ATAD2B: variants seen among roughly 807,000 people sequenced by gnomAD.
The protein encoded by ATAD2B is ATPase family AAA domain containing 2B.
In ATAD2B, 40 loss-of-function variants were observed where a neutral mutation model predicts 167.6. The ratio of observed to expected loss-of-function variants is 0.24; its 90% CI spans 0.19 to 0.31. ATAD2B has a LOEUF of 0.31. Ranked by LOEUF, ATAD2B falls within the 10% of genes least tolerant of loss-of-function variation. The pLI is 1.00. For missense variants in ATAD2B, 1,242 were observed against 1,757.2 expected, an observed-to-expected ratio of 0.71 and a Z score of 5.24; for synonymous variants, 579 against 596.5, an observed-to-expected ratio of 0.97 and a Z score of 0.43.
At chr2:23,713,537 A>G in the ATAD2B span, among the ~76,000 whole-genome samples, 1 of 152,128 alleles carries the variant, frequency 6.6e-6, no homozygotes, top group East Asian at 1.9e-4. Flanking sequence ...TCATCACCCC[A>G]GAAACAAACC....
the ATAD2B span, among the ~76,000 whole-genome samples, chr2:23,709,559 T>G: frequency 0.84 from 127,111 of 151,828 alleles, 55,291 homozygotes; most frequent in East Asian, 1. Flanking sequence ...GCAGAAAGCA[T>G]ATTGGCCAGC....
the ATAD2B span, chr2:23,703,310 G>A: frequency 6.5e-7 from 1 of 1,547,708 alleles, no homozygotes; most frequent in Non-Finnish European, 8.7e-7. Context: ...GGCAGGCCGA[G>A]CTGCCGGCGT....
intron 18 of ATAD2B, among the ~76,000 whole-genome samples, chr2:23,806,504 CG>C (rs1684412965): frequency 6.6e-6 from 1 of 152,132 alleles, no homozygotes; most frequent in Non-Finnish European, 1.5e-5. Flanking sequence ...TTTGGTAGGG[CG>C]CCCTAATGAC....
chr2:23,863,663 T>C (rs186059104), intron 11 of ATAD2B, 108 bp from the exon 12 acceptor site: 1 of 1,017,356 alleles, frequency 9.8e-7, no homozygotes, highest in Non-Finnish European at 1.4e-6. Flanking sequence ...TGAAGTATAA[T>C]TATTAGACAT....
chr2:23,789,398 A>G (rs1339994956), intron 19 of ATAD2B, among the ~76,000 whole-genome samples: 1 of 152,120 alleles, frequency 6.6e-6, no homozygotes, highest in Non-Finnish European at 1.5e-5. Flanking sequence ...TCTACCTTCT[A>G]GACACCAAAC....
chr2:23,814,879 C>G (rs889442067), intron 17 of ATAD2B, among the ~76,000 whole-genome samples: 3 of 151,576 alleles, frequency 2.0e-5, no homozygotes, highest in Non-Finnish European at 4.4e-5. Flanking sequence ...ATGGTGAAAC[C>G]CTGACTCTAC....
chr2:23,901,399 G>A (rs1179697070), intron 1 of ATAD2B, among the ~76,000 whole-genome samples: 1 of 149,210 alleles, frequency 6.7e-6, no homozygotes, highest in Non-Finnish European at 1.5e-5. Context: ...GAAGAATCTA[G>A]CCTAAATTAA....
chr2:23,875,980 C>T, intron 7 of ATAD2B, 76 bp from the exon 8 acceptor site: 5 of 1,086,226 alleles, frequency 4.6e-6, no homozygotes, highest in Non-Finnish European at 6.7e-6. Flanking sequence ...GTAGAAATGA[C>T]TTCTGCTCAC....
chr2:23,810,541 C>A (rs569518073), intron 17 of ATAD2B, 39 bp from the exon 18 acceptor site: 6 of 1,518,788 alleles, frequency 4.0e-6, no homozygotes, highest in South Asian at 3.7e-5. Context: ...CAAAGGCATA[C>A]ATTCTGAAGA....
rs932310058 is a variant in ATAD2B, at chr2:23,754,579, A to C, written c.4206+68T>G. 7 of 1,550,948 alleles carry C rather than the reference A, an allele frequency of 4.5e-6. No homozygotes were observed. The East Asian group carries it at 1.6e-4, about 35-fold the overall frequency. On this transcript the variant is annotated intron_variant, in intron 26 of 27. Coordinates refer to ENST00000238789, the MANE Select transcript of ATAD2B (RefSeq NM_017552.4). ...AAAGCAGGAAAACTACTTTTACTCAACTGCCTACAAACACATTCAAATCTC... is the reference window on the plus strand; with the variant it reads ...AAAGCAGGAAAACTACTTTTACTCACCTGCCTACAAACACATTCAAATCTC...
At chr2:23,852,002 A>G (rs562989669) in intron 13 of ATAD2B, among the ~76,000 whole-genome samples, 5 of 152,226 alleles carry the variant, frequency 3.3e-5, no homozygotes, top group Admixed American at 2.6e-4. Context: ...CATTAAGGAG[A>G]TAACAGAATA....
chr2:23,782,958 T>A lies in ATAD2B; in HGVS notation c.3044A>T (p.His1015Leu), dbSNP rs1432640708. 1 of 1,601,322 alleles carries A rather than the reference T, an allele frequency of 6.2e-7. No homozygotes were observed. Among genetic ancestry groups the A allele is most frequent in the African/African-American group, 1.3e-5 (1 of 74,656 alleles). ...LSTVITKIDKHNYLTAKDFLK... is the reference protein window; with the variant it reads ...LSTVITKIDKLNYLTAKDFLK... Reference sequence around the variant, plus strand: ...GAAATCCTTTGCAGTCAGGTAATTATGTTTATCAATTTTAGTTATTACTGT... The same window carrying A: ...GAAATCCTTTGCAGTCAGGTAATTAAGTTTATCAATTTTAGTTATTACTGT... The change falls in exon 22 of 28, where the codon CAT (histidine) becomes CTT (leucine). Residue 1015 changes from histidine (H) to leucine (L), a missense_variant. Around this residue, in one of 9 missense-constraint regions of ATAD2B, gnomAD observed 204 missense variants for 324.0 expected, o/e 0.63. Coordinates refer to ENST00000238789, the MANE Select transcript of ATAD2B (RefSeq NM_017552.4).
the ATAD2B span, among the ~76,000 whole-genome samples, chr2:23,730,420 AC>A: frequency 6.6e-6 from 1 of 152,098 alleles, no homozygotes; most frequent in South Asian, 2.1e-4. Context: ...TAATCCCAGC[AC>A]TTTGGGAGGC....
At chr2:23,904,507 G>A (rs1045178355) in intron 1 of ATAD2B, among the ~76,000 whole-genome samples, 1 of 144,212 alleles carries the variant, frequency 6.9e-6, no homozygotes, top group Non-Finnish European at 1.5e-5. Context: ...AGAAAGAATA[G>A]TTTAGACTTG....
At chr2:23,807,339 AT>A (rs1411550050) in intron 18 of ATAD2B, among the ~76,000 whole-genome samples, 1 of 152,190 alleles carries the variant, frequency 6.6e-6, no homozygotes, top group East Asian at 1.9e-4. Flanking sequence ...CGCTCAACAG[AT>A]TTTTAACTGC....
rs114901441 is a variant in ATAD2B, at chr2:23,805,254, A to G, written c.2454+5062T>C. 7.6e-3 allele frequency among the ~76,000 whole-genome samples: 1,165 copies of G among 152,310 alleles called. 6 individuals are homozygous for G. Among genetic ancestry groups the G allele is most frequent in the Non-Finnish European group, 0.012 (813 of 68,018 alleles). On this transcript the variant is annotated intron_variant, in intron 18 of 27. Transcript: ENST00000238789. ...AAAACTTCAAAAAAGAGAATTTTCT[A>G]AACAGTATAGCATAAACTAAAAAGG...
At chr2:23,829,067 T>A (rs1026080264) in intron 14 of ATAD2B, 128 bp from the exon 15 acceptor site, 28 of 623,800 alleles carry the variant, frequency 4.5e-5, no homozygotes, top group African/African-American at 3.0e-4. Context: ...ATTTTTATTT[T>A]AAAAAAAATT....
intron 15 of ATAD2B, among the ~76,000 whole-genome samples, chr2:23,824,107 C>A (rs1364220772): frequency 6.6e-6 from 1 of 152,060 alleles, no homozygotes; most frequent in Non-Finnish European, 1.5e-5. Context: ...TGCCACCACA[C>A]TCGTATAATT....
chr2:23,708,499 A>G, the ATAD2B span: 1 of 152,188 alleles, frequency 6.6e-6, no homozygotes, highest in Non-Finnish European at 1.5e-5. Context: ...AAAACTGGCT[A>G]TTTCTGTGAA....
Sources: allele counts gnomAD v4.1 joint callset (sites outside exome capture counted in the v4.1 genomes callset), GRCh38; gene constraint gnomAD v4.1.1; regional missense constraint gnomAD v4.1.1; transcripts MANE v1.5; gene names NCBI Gene and HGNC (gene_info 2026-07-23, HGNC 2026-07-21).